WWOX: variants seen among roughly 807,000 people sequenced by gnomAD.
WWOX encodes WW domain-containing oxidoreductase.
In WWOX, 69 loss-of-function variants were observed where a neutral mutation model predicts 46.2. The ratio of observed to expected loss-of-function variants is 1.49; its 90% confidence interval spans 1.23 to 1.82. WWOX has a LOEUF of 1.82. WWOX is among the 40% of genes most tolerant of loss of function. The probability of loss-of-function intolerance (pLI) is 0.00; values close to 1 mark genes in which losing one functional copy is unlikely to be tolerated. For synonymous variants in WWOX, 359 were observed against 202.6 expected (o/e 1.77, Z -6.56); for missense variants, 919 against 542.6 (o/e 1.69, Z -6.89).
chr16:78,426,024 C>T (rs1208964012), intron 7 of WWOX, among the ~76,000 whole-genome samples: 4 of 152,164 alleles, frequency 2.6e-5, no homozygotes, highest in Admixed American at 6.5e-5. Flanking sequence ...CACTCCCAAA[C>T]ACAGGGGCTT....
At chr16:78,496,106 G>A (rs921862719) in intron 8 of WWOX, 8 of 151,958 alleles carry the variant, frequency 5.3e-5, no homozygotes, top group African/African-American at 1.9e-4. Context: ...GTACTATTTG[G>A]CTTTACTGAC....
chr16:79,003,991 A>G (rs759171879), intron 8 of WWOX, among the ~76,000 whole-genome samples: 9 of 152,286 alleles, frequency 5.9e-5, no homozygotes, highest in South Asian at 2.1e-4. Flanking sequence ...GTACTCTGCA[A>G]TGCTGAGTAC....
At chr16:78,927,599 G>A (rs1230117210) in intron 8 of WWOX, among the ~76,000 whole-genome samples, 3 of 152,164 alleles carry the variant, frequency 2.0e-5, no homozygotes, top group Non-Finnish European at 4.4e-5. Flanking sequence ...ACCCTATGTA[G>A]TTCACATAAC....
At chr16:78,871,952 C>G (rs898842265) in intron 8 of WWOX, among the ~76,000 whole-genome samples, 3 of 152,148 alleles carry the variant, frequency 2.0e-5, no homozygotes, top group African/African-American at 4.8e-5. Context: ...CAGCCATGCC[C>G]TAGGGAGAGC....
At chr16:79,171,049 C>A (rs2050690625) in intron 8 of WWOX, among the ~76,000 whole-genome samples, 1 of 152,174 alleles carries the variant, frequency 6.6e-6, no homozygotes. Context: ...GAGAAGTGAA[C>A]TTTAAGAGGA....
chr16:78,757,999 G>A (rs955225354), intron 8 of WWOX, among the ~76,000 whole-genome samples: 10 of 151,972 alleles, frequency 6.6e-5, no homozygotes, highest in Non-Finnish European at 1.3e-4. Flanking sequence ...AGATCAGCCA[G>A]GATGCTCTTT....
chr16:78,307,361 T>A (rs1283093005), intron 5 of WWOX, among the ~76,000 whole-genome samples: 1 of 152,136 alleles, frequency 6.6e-6, no homozygotes, highest in Non-Finnish European at 1.5e-5. Context: ...AAGTTCAGGA[T>A]CTTGAAATGG....
intron 8 of WWOX, among the ~76,000 whole-genome samples, chr16:78,814,942 C>G (rs567439683): frequency 1.6e-4 from 25 of 152,210 alleles, no homozygotes; most frequent in Non-Finnish European, 3.4e-4. Context: ...AGTTGGCTCT[C>G]TTGCCCTTTC....
rs185524663 is a variant in WWOX at position 78,192,468 on chromosome 16, G to A, written c.516+28179G>A. 2.7e-3 allele frequency among the ~76,000 whole-genome samples: 380 copies of A among 142,174 alleles called. 1 individual carries two copies. Among genetic ancestry groups the A allele is most frequent in the Non-Finnish European group, 4.4e-3 (292 of 66,416 alleles). 93.3% of individuals were successfully genotyped at this position (142,174 alleles called of 152,430 possible). A position where few individuals can be genotyped will look rare whatever the true frequency, so the allele number is the denominator to read the frequency against. ...GATCGCACCACTGCACTCCAGCCTA[G>A]GTGACAGAGTGAGACTCCGTCTCAA... On this transcript the variant is annotated intron_variant, in intron 5 of 8. Coordinates refer to ENST00000566780, the MANE Select transcript of WWOX (RefSeq NM_016373.4).
chr16:78,876,035 C>T (rs920954497), intron 8 of WWOX, among the ~76,000 whole-genome samples: 2 of 152,132 alleles, frequency 1.3e-5, no homozygotes, highest in Non-Finnish European at 2.9e-5. Flanking sequence ...AAACAGGCTC[C>T]ATGGTACTAT....
intron 8 of WWOX, among the ~76,000 whole-genome samples, chr16:78,670,149 C>G (rs956140584): frequency 1.3e-5 from 2 of 152,172 alleles, no homozygotes; most frequent in African/African-American, 4.8e-5. Context: ...CAGCTGAGCT[C>G]TTATTCACCC....
chr16:78,707,243 T>A (rs562257531), intron 8 of WWOX, among the ~76,000 whole-genome samples: 1 of 152,310 alleles, frequency 6.6e-6, no homozygotes, highest in Non-Finnish European at 1.5e-5. Flanking sequence ...AATAAAATAA[T>A]TCCTCAGATA....
chr16:78,406,345 T>C (rs1443304838), intron 6 of WWOX, among the ~76,000 whole-genome samples: 4 of 100,812 alleles, frequency 4.0e-5, no homozygotes, highest in South Asian at 2.6e-4. Context: ...TATATATATA[T>C]ATATATATAT....
At chr16:78,494,589 A>T (rs2084864984) in intron 8 of WWOX, among the ~76,000 whole-genome samples, 1 of 152,212 alleles carries the variant, frequency 6.6e-6, no homozygotes. Context: ...TTTTTCATTT[A>T]AAGTCCAGGA....
chr16:78,353,996 T>G (rs1030105011), intron 5 of WWOX, among the ~76,000 whole-genome samples: 1 of 152,230 alleles, frequency 6.6e-6, no homozygotes, highest in Non-Finnish European at 1.5e-5. Context: ...TTTCTCTCTT[T>G]CCAGACAATA....
rs1271285544 is a variant in WWOX at position 78,859,040 on chromosome 16, ATATATATATG to A, written c.1057-352558_1057-352549del. On this transcript the variant is annotated intron_variant, in intron 8 of 8. Transcript: ENST00000566780. ...AAAAAAAAAAAAAATATATATATAT[ATATATATATG>A]TATATATATATATATATATATATGA... Among the ~76,000 whole-genome samples the A allele has an allele frequency of 2.9e-3, 75 of 25,760 alleles. 1 individual carries two copies. Among genetic ancestry groups the A allele is most frequent in the South Asian group, 5.2e-3 (4 of 766 alleles). 16.9% of individuals were successfully genotyped at this position (25,760 alleles called of 152,430 possible).
chr16:78,257,342 C>A (rs2038159642), intron 5 of WWOX, among the ~76,000 whole-genome samples: 1 of 152,126 alleles, frequency 6.6e-6, no homozygotes. Flanking sequence ...TATTTGCAAC[C>A]TGTAGAGCAG....
intron 5 of WWOX, among the ~76,000 whole-genome samples, chr16:78,321,849 G>T (rs1371418125): frequency 6.6e-6 from 1 of 152,092 alleles, no homozygotes; most frequent in Non-Finnish European, 1.5e-5. Flanking sequence ...GGGAGAGGGG[G>T]ATGGAGAGGC....
At chr16:78,940,939 C>T (rs140581309) in intron 8 of WWOX, among the ~76,000 whole-genome samples, 1 of 151,898 alleles carries the variant, frequency 6.6e-6, no homozygotes, top group Non-Finnish European at 1.5e-5. Context: ...GAATTTTCTT[C>T]TGCCCCCCCA....
Sources: gnomAD v4.1 joint callset for allele counts (sites outside exome capture counted in the v4.1 genomes callset) on GRCh38, gnomAD v4.1.1 for gene constraint, MANE v1.5 for transcripts, NCBI Gene and HGNC (gene_info 2026-07-23, HGNC 2026-07-21) for gene names.